The following TSBP1 variants were observed in gnomAD, a reference collection of about 807,000 sequenced individuals.
The protein encoded by TSBP1 is testis expressed basic protein 1.
Under a neutral mutation model 68.8 loss-of-function variants are expected in TSBP1, and 56 were observed. The observed-to-expected ratio is 0.81, with a 90% confidence interval of 0.66 to 1.02. The LOEUF is 1.02. Among genes scored for constraint, TSBP1 ranks in the 50% least tolerant of loss-of-function variants. The pLI is 0.00. For missense variants in TSBP1, 502 were observed against 641.2 expected, an observed-to-expected ratio of 0.78 and a Z score of 2.34; for synonymous variants, 171 against 208.7, an observed-to-expected ratio of 0.82 and a Z score of 1.56.
At position 32,321,943 on chromosome 6, in the gene TSBP1, C is replaced by A. The variant is rs540779821; in HGVS notation, c.559+1174G>T. On this transcript the variant is annotated intron_variant, in intron 18 of 22. Transcript: ENST00000612031. This position sits in a 1 kb window ranked among gnomAD's most constrained non-coding sequence, Gnocchi z 4.3. ...AGAGGTTGGCTGGAGCAGGCAGCAG[C>A]TACCCTCTTCAGACTATATGTGTCC... Among the ~76,000 whole-genome samples, 1 of 152,352 alleles carries A rather than the reference C, an allele frequency of 6.6e-6. No individual in the cohort carries two copies. The highest frequency in any genetic ancestry group is 1.5e-5 in the Non-Finnish European group (1 of 68,038).
rs1271414178 is a variant in TSBP1, at chr6:32,336,486, G to A, written c.430+129C>T. ...ACACAATATACCCATTAGCAAACCT[G>A]CATATGCACCACCGGAATCTAAAAT... On this transcript the variant is annotated intron_variant, in intron 12 of 22. Coordinates refer to ENST00000612031, the Ensembl canonical transcript of TSBP1. The surrounding 1 kb of genome is among the most constrained non-coding windows in gnomAD (Gnocchi z 5.2). 2.6e-6 allele frequency: 2 copies of A among 759,428 alleles called. No homozygotes were observed. The highest frequency in any genetic ancestry group is 4.4e-6 in the Non-Finnish European group (2 of 450,986). 47.0% of individuals were successfully genotyped at this position (759,428 alleles called of 1,614,324 possible).
chr6:32,368,442 G>A (rs1774011607), intron 3 of TSBP1, among the ~76,000 whole-genome samples: 1 of 152,278 alleles, frequency 6.6e-6, no homozygotes, highest in South Asian at 2.1e-4. Flanking sequence ...CCATCTTCAT[G>A]AATGGATTTA....
intron 1 of TSBP1, among the ~76,000 whole-genome samples, chr6:32,370,443 A>G (rs1774275416): frequency 1.4e-5 from 2 of 138,458 alleles, no homozygotes; most frequent in African/African-American, 5.5e-5. Context: ...ATATATATAT[A>G]TGGCTATAAA....
intron 16 of TSBP1, among the ~76,000 whole-genome samples, chr6:32,327,744 C>T (rs747716528): frequency 6.7e-6 from 1 of 150,192 alleles, no homozygotes; most frequent in Non-Finnish European, 1.5e-5. Context: ...ACCTCTGCCT[C>T]CCAGGTTCAA....
rs193237213 is a variant in TSBP1 at position 32,304,378 on chromosome 6, T to A, written c.581-1749A>T. On this transcript the variant is annotated intron_variant, in intron 19 of 22. Transcript: ENST00000612031. The surrounding 1 kb of genome is among the most constrained non-coding windows in gnomAD (Gnocchi z 4.8). ...AAAATAAAACAAATCAGTTTTTTTT[T>A]AAATTATGTATTGAGTTCCTATTGA... Among the ~76,000 whole-genome samples, 17 of 152,204 alleles carry A rather than the reference T, an allele frequency of 1.1e-4. No homozygotes were observed. The highest frequency in any genetic ancestry group is 2.9e-4 in the African/African-American group (12 of 41,534).
chr6:32,330,635 A>AACACACACACACACACACACACAC (rs9279582), intron 15 of TSBP1, 26 bp from the exon 17 acceptor site: 3 of 1,134,682 alleles, frequency 2.6e-6, no homozygotes, highest in Non-Finnish European at 3.7e-6. Context: ...AAACAAATTA[A>AACACACACACACACACACACACAC]ACACACACAC....
chr6:32,335,573 A>C lies in TSBP1; in HGVS notation c.452-116T>G. The C allele has an allele frequency of 1.2e-6, 1 of 860,034 alleles. No individual in the cohort carries two copies. Among genetic ancestry groups the C allele is most frequent in the Non-Finnish European group, 1.6e-6 (1 of 633,922 alleles). The allele number at this position is 860,034 out of a possible 1,614,324, so 53.3% of individuals were successfully genotyped here. Reference sequence around the variant, plus strand: ...GTAGGAATCTGCATCACTATTGTCAAGTTCAGCTGCAGTTGAGTAGTAGAA... The same window carrying C: ...GTAGGAATCTGCATCACTATTGTCACGTTCAGCTGCAGTTGAGTAGTAGAA... On this transcript the variant is annotated intron_variant, in intron 13 of 22. Transcript: ENST00000612031. This position sits in a 1 kb window ranked among gnomAD's most constrained non-coding sequence, Gnocchi z 5.5.
intron 22 of TSBP1, among the ~76,000 whole-genome samples, chr6:32,298,600 T>C (rs1440175225): frequency 6.6e-6 from 1 of 152,044 alleles, no homozygotes; most frequent in East Asian, 1.9e-4. Context: ...AATTAATTAA[T>C]TGCCCCTTTC....
At chr6:32,293,102 T>C (rs1396963330) in exon 23 of TSBP1, 1 of 1,605,164 alleles carries the variant, frequency 6.2e-7, no homozygotes, top group Non-Finnish European at 8.5e-7. Context: ...CTTTCCTTTG[T>C]CACCTTTTGT....
Position 32,323,102 on chromosome 6 carries a change from A to C in TSBP1, c.559+15T>G. 1.3e-6 allele frequency: 2 copies of C among 1,564,682 alleles called. No individual in the cohort carries two copies. The highest frequency in any genetic ancestry group is 1.8e-6 in the Non-Finnish European group (2 of 1,141,586). On this transcript the variant is annotated intron_variant, in intron 18 of 22. Transcript: ENST00000612031. ...CCATAGAGAACCAAAGAAGAAAAAG[A>C]GATGTTATACTTACTTATGGGTGCC...
chr6:32,328,465 G>A (rs1768536656), intron 16 of TSBP1, among the ~76,000 whole-genome samples: 1 of 151,346 alleles, frequency 6.6e-6, no homozygotes, highest in Non-Finnish European at 1.5e-5. Flanking sequence ...ACCCAGGCTG[G>A]AGTGCAGTGG....
In TSBP1 at chr6:32,302,545, GA is replaced by G; in HGVS notation, c.601+63del. ...ACATAAAACATTAAAAACATTTGTA[GA>G]AAAAATTTGCTCACCCCAGCCCTAC... On this transcript the variant is annotated intron_variant, in intron 20 of 22. Transcript: ENST00000612031. The surrounding 1 kb of genome is among the most constrained non-coding windows in gnomAD (Gnocchi z 5.1). The G allele has an allele frequency of 9.9e-7, 1 of 1,008,828 alleles. No homozygotes were observed. Among genetic ancestry groups the G allele is most frequent in the Non-Finnish European group, 1.6e-6 (1 of 644,112 alleles). The allele number at this position is 1,008,828 out of a possible 1,614,324, so 62.5% of individuals were successfully genotyped here.
At chr6:32,354,133 G>A (rs570232733) in intron 8 of TSBP1, among the ~76,000 whole-genome samples, 1 of 151,904 alleles carries the variant, frequency 6.6e-6, no homozygotes, top group Admixed American at 6.6e-5. Flanking sequence ...AAAGTCAAGA[G>A]ACAGCATAAA....
chr6:32,299,870 A>T, intron 22 of TSBP1, 52 bp downstream of exon 25: 3 of 1,470,480 alleles, frequency 2.0e-6, no homozygotes, highest in Non-Finnish European at 2.9e-6. Context: ...AGGTCACAAA[A>T]GAATTAAAAG....
intron 6 of TSBP1, among the ~76,000 whole-genome samples, chr6:32,360,102 T>A (rs1772825459): frequency 6.6e-6 from 1 of 152,202 alleles, no homozygotes; most frequent in Admixed American, 6.5e-5. Context: ...TAATACATTA[T>A]AGTCACCATG....
At chr6:32,303,761 G>A (rs1221433484) in intron 19 of TSBP1, among the ~76,000 whole-genome samples, 1 of 152,156 alleles carries the variant, frequency 6.6e-6, no homozygotes, top group Non-Finnish European at 1.5e-5. Flanking sequence ...AGTGGTCCAA[G>A]TTTAGATGTA....
intron 18 of TSBP1, chr6:32,320,307 A>G (rs1287295070): frequency 9.1e-6 from 4 of 441,238 alleles, no homozygotes; most frequent in Admixed American, 5.1e-5. Flanking sequence ...CACCCTGGAC[A>G]GATCCAACTC....
chr6:32,367,777 G>A (rs1773927633), intron 4 of TSBP1, 148 bp downstream of exon 4: 1 of 335,050 alleles, frequency 3.0e-6, no homozygotes, highest in Non-Finnish European at 4.8e-6. Context: ...AATTTTTCTT[G>A]AGAAAGAGAG....
chr6:32,330,718 T>A, intron 15 of TSBP1, 109 bp from the exon 17 acceptor site: 1 of 1,328,262 alleles, frequency 7.5e-7, no homozygotes, highest in African/African-American at 1.5e-5. Flanking sequence ...TCGCCCAGGC[T>A]GGAGTGTGGT....
Sources: gnomAD v4.1 joint callset for allele counts (sites outside exome capture counted in the v4.1 genomes callset) on GRCh38, gnomAD v4.1.1 for gene constraint, Gnocchi (gnomAD v3.1) non-coding constraint, MANE v1.5 for transcripts, NCBI Gene and HGNC (gene_info 2026-07-23, HGNC 2026-07-21) for gene names.